SGCZ: variants seen among roughly 807,000 people sequenced by gnomAD.
SGCZ encodes the protein zeta-sarcoglycan.
A neutral mutation model predicts 41.3 loss-of-function variants in SGCZ; 40 were observed. The observed-to-expected ratio is 0.97, with a 90% CI of 0.75 to 1.26. The LOEUF (loss-of-function observed/expected upper bound fraction) is 1.26, where lower values mean the gene tolerates loss of function less well. Among genes scored for constraint, SGCZ ranks in the 50% most tolerant of loss-of-function variants. The pLI is 0.00. For synonymous variants in SGCZ, 206 were observed against 137.5 expected, an observed-to-expected ratio of 1.50 and a Z score of -3.49; for missense variants, 552 against 369.8, an observed-to-expected ratio of 1.49 and a Z score of -4.04.
At chr8:14,245,578 A>C (rs77323337) in intron 3 of SGCZ, among the ~76,000 whole-genome samples, 48,192 of 151,994 alleles carry the variant, frequency 0.32, 7,996 homozygotes, top group Non-Finnish European at 0.37. Context: ...TGGCAACAAA[A>C]GCCAAAATTG....
chr8:14,138,396 G>A (rs1188852519), intron 5 of SGCZ, among the ~76,000 whole-genome samples: 2 of 151,910 alleles, frequency 1.3e-5, no homozygotes, highest in African/African-American at 4.8e-5. Flanking sequence ...TTGTCAAACT[G>A]GATAAAGAGT....
chr8:14,608,953 A>C (rs1468946215), intron 1 of SGCZ, among the ~76,000 whole-genome samples: 1 of 152,208 alleles, frequency 6.6e-6, no homozygotes, highest in Non-Finnish European at 1.5e-5. Flanking sequence ...TGGTGATAGA[A>C]GAATACGAAA....
chr8:14,986,747 A>G (rs1217634551), intron 1 of SGCZ, among the ~76,000 whole-genome samples: 1 of 151,978 alleles, frequency 6.6e-6, no homozygotes, highest in Admixed American at 6.6e-5. Flanking sequence ...GTTCTTCTCC[A>G]TGTAAAAGTG....
At chr8:14,483,564 C>A (rs893985216) in intron 2 of SGCZ, among the ~76,000 whole-genome samples, 15 of 152,226 alleles carry the variant, frequency 9.9e-5, no homozygotes, top group African/African-American at 3.1e-4. Context: ...GAGTGACACC[C>A]TGTCTCAGAA....
intron 2 of SGCZ, among the ~76,000 whole-genome samples, chr8:14,366,164 T>C (rs2117147297): frequency 6.6e-6 from 1 of 152,256 alleles, no homozygotes; most frequent in Middle Eastern, 3.4e-3. Context: ...TCTGCTGTCA[T>C]CTGGAGAACA....
intron 1 of SGCZ, among the ~76,000 whole-genome samples, chr8:15,037,857 G>T (rs1803927851): frequency 6.6e-6 from 1 of 151,998 alleles, no homozygotes; most frequent in Non-Finnish European, 1.5e-5. Flanking sequence ...AAATCAATAA[G>T]AAAACAATCC....
intron 1 of SGCZ, among the ~76,000 whole-genome samples, chr8:14,578,416 A>T (rs1212434517): frequency 6.6e-6 from 1 of 152,116 alleles, no homozygotes; most frequent in Non-Finnish European, 1.5e-5. Flanking sequence ...GTTGTCCTAC[A>T]TGCTCCCTGG....
intron 1 of SGCZ, among the ~76,000 whole-genome samples, chr8:14,572,884 C>T (rs1018787130): frequency 7.2e-5 from 11 of 152,154 alleles, no homozygotes; most frequent in African/African-American, 2.7e-4. Flanking sequence ...GTTGATGTTT[C>T]TGTTTTCTTA....
intron 3 of SGCZ, among the ~76,000 whole-genome samples, chr8:14,284,136 A>G (rs1258390727): frequency 6.6e-6 from 1 of 152,244 alleles, no homozygotes; most frequent in East Asian, 1.9e-4. Flanking sequence ...CAATGCCTGC[A>G]ATCCAAGCAC....
intron 1 of SGCZ, among the ~76,000 whole-genome samples, chr8:14,941,501 T>C (rs1800274086): frequency 6.6e-6 from 1 of 152,132 alleles, no homozygotes. Flanking sequence ...AGTATGTTTA[T>C]ATTTTCATAA....
intron 1 of SGCZ, among the ~76,000 whole-genome samples, chr8:15,038,412 A>T (rs1803945767): frequency 6.6e-6 from 1 of 152,138 alleles, no homozygotes; most frequent in Non-Finnish European, 1.5e-5. Context: ...CATGCAGAAC[A>T]ATGAAACTAG....
chr8:14,149,575 T>C (rs187719174), intron 5 of SGCZ, among the ~76,000 whole-genome samples: 5 of 151,780 alleles, frequency 3.3e-5, no homozygotes, highest in Non-Finnish European at 5.9e-5. Context: ...AGAATCAATG[T>C]TGTTAAAAAG....
intron 1 of SGCZ, among the ~76,000 whole-genome samples, chr8:15,156,015 G>A (rs1368558770): frequency 2.1e-5 from 3 of 141,178 alleles, no homozygotes; most frequent in African/African-American, 8.3e-5. Context: ...CCAAGATCGT[G>A]CCATTGCACT....
At chr8:14,616,415 G>A (rs967151867) in intron 1 of SGCZ, among the ~76,000 whole-genome samples, 10 of 151,912 alleles carry the variant, frequency 6.6e-5, no homozygotes, top group East Asian at 3.9e-4. Flanking sequence ...TAAGCTTCCC[G>A]AAAGCCTATA....
At chr8:14,985,568 A>C (rs1339131004) in intron 1 of SGCZ, among the ~76,000 whole-genome samples, 1 of 152,218 alleles carries the variant, frequency 6.6e-6, no homozygotes, top group Non-Finnish European at 1.5e-5. Context: ...AACAGAAAGC[A>C]GTTCAGAATG....
intron 1 of SGCZ, among the ~76,000 whole-genome samples, chr8:14,596,161 T>G (rs559434701): frequency 1.4e-4 from 21 of 152,362 alleles, no homozygotes; most frequent in African/African-American, 4.6e-4. Flanking sequence ...GCAGTATTTG[T>G]AGGCCTTTCA....
At chr8:15,062,971 T>G (rs932887905) in intron 1 of SGCZ, among the ~76,000 whole-genome samples, 1 of 152,116 alleles carries the variant, frequency 6.6e-6, no homozygotes, top group Non-Finnish European at 1.5e-5. Context: ...CTAAAAAGAA[T>G]GTCAATTGTG....
At chr8:14,372,966 T>C (rs2117166798) in intron 2 of SGCZ, among the ~76,000 whole-genome samples, 1 of 152,280 alleles carries the variant, frequency 6.6e-6, no homozygotes, top group East Asian at 1.9e-4. Flanking sequence ...CATTATGATA[T>C]TATCTGACTT....
chr8:14,935,527 T>C (rs996346478), intron 1 of SGCZ, among the ~76,000 whole-genome samples: 6 of 151,844 alleles, frequency 4.0e-5, no homozygotes, highest in Non-Finnish European at 5.9e-5. Flanking sequence ...ATCATTAAAA[T>C]TGAATCAGAG....
Sources: gnomAD v4.1 joint callset for allele counts (sites outside exome capture counted in the v4.1 genomes callset) on GRCh38, gnomAD v4.1.1 for gene constraint, MANE v1.5 for transcripts, NCBI Gene and HGNC (gene_info 2026-07-23, HGNC 2026-07-21) for gene names.